The following STRN4 variants were observed in gnomAD, a reference collection of about 807,000 sequenced individuals.
The protein encoded by STRN4 is striatin 4, also known as striatin-4.
Under a neutral mutation model 77.9 loss-of-function variants are expected in STRN4, and 27 were observed. That is an observed-to-expected ratio of 0.35 (90% CI 0.26 to 0.48). STRN4 has a LOEUF of 0.48. STRN4 is among the 20% of genes least tolerant of loss of function. The pLI is 0.99. For missense variants in STRN4, 798 were observed against 1,049.7 expected (o/e 0.76, Z 3.31); for synonymous variants, 466 against 443.1 (o/e 1.05, Z -0.65).
chr19:46,746,425 C>T lies in STRN4; in HGVS notation c.6G>A (p.Met2Ile). The change falls in exon 1 of 18, where the codon ATG becomes ATA. Residue 2 changes from methionine to isoleucine, a missense_variant. Physicochemically the swap from Met to Ile is conservative, Grantham distance 10. This residue lies in a region of STRN4 where 511 missense variants were observed against 575.9 expected (regional missense o/e 0.89). Transcript: ENST00000263280. M[M>I]EERAAAAVAA... Reference sequence around the variant, plus strand: ...CGACCGCGGCGGCCGCTCGCTCCTCCATCATGGAGGCCCCGGGGCCGGCCT... The same window carrying T: ...CGACCGCGGCGGCCGCTCGCTCCTCTATCATGGAGGCCCCGGGGCCGGCCT... The T allele has an allele frequency of 9.7e-7, 1 of 1,028,888 alleles. No individual in the cohort carries two copies. Among genetic ancestry groups the T allele is most frequent in the Non-Finnish European group, 1.2e-6 (1 of 861,004 alleles). 63.7% of individuals were successfully genotyped at this position (1,028,888 alleles called of 1,614,324 possible).
chr19:46,729,374 C>G (rs575321998), intron 6 of STRN4, among the ~76,000 whole-genome samples: 3 of 152,318 alleles, frequency 2.0e-5, no homozygotes, highest in East Asian at 3.9e-4. Flanking sequence ...AGGCCAAGCT[C>G]TGCCCACTGT....
chr19:46,743,591 A>G (rs1599900331), intron 1 of STRN4, among the ~76,000 whole-genome samples: 1 of 152,304 alleles, frequency 6.6e-6, no homozygotes, highest in East Asian at 1.9e-4. Flanking sequence ...AGAGAGGTAC[A>G]GAACATGGGC....
At chr19:46,728,504 C>T in intron 7 of STRN4, 114 bp downstream of exon 7, 1 of 1,371,208 alleles carries the variant, frequency 7.3e-7, no homozygotes, top group Non-Finnish European at 9.7e-7. Context: ...TCTCAGGAAA[C>T]ATATCCGTCC....
At chr19:46,725,202 A>AG in intron 11 of STRN4, 130 bp downstream of exon 11, 8 of 1,305,084 alleles carry the variant, frequency 6.1e-6, no homozygotes, top group Non-Finnish European at 8.6e-6. Context: ...TATATCATGA[A>AG]GGGGGCGGGG....
intron 1 of STRN4, 104 bp downstream of exon 1, chr19:46,746,045 C>G: frequency 4.4e-6 from 5 of 1,132,730 alleles, no homozygotes; most frequent in Non-Finnish European, 5.6e-6. Context: ...CCCCGCCGGC[C>G]GTCCCGGCGG....
intron 1 of STRN4, 55 bp downstream of exon 1, chr19:46,746,094 A>T: frequency 3.2e-6 from 4 of 1,244,356 alleles, no homozygotes; most frequent in Non-Finnish European, 4.1e-6. Flanking sequence ...GCAGCGGGTG[A>T]GGCCGGGCCG....
chr19:46,724,975 C>A (rs750983253), intron 11 of STRN4, 47 bp from the exon 12 acceptor site: 2 of 1,611,594 alleles, frequency 1.2e-6, no homozygotes, highest in South Asian at 1.1e-5. Flanking sequence ...AAGCTCAGGG[C>A]CTCCCCTGGC....
intron 1 of STRN4, chr19:46,739,242 C>G (rs2054430109): frequency 6.4e-6 from 2 of 314,306 alleles, no homozygotes; most frequent in Non-Finnish European, 1.3e-5. Context: ...CCCTGGACTA[C>G]CCCTGACGCC....
chr19:46,745,314 C>T (rs1472480019), intron 1 of STRN4, among the ~76,000 whole-genome samples: 1 of 152,150 alleles, frequency 6.6e-6, no homozygotes, highest in East Asian at 1.9e-4. Context: ...CATCCAGGCT[C>T]CTAGGGTACA....
Position 46,746,440 on chromosome 19 carries a change from G to A in STRN4, c.-10C>T, listed in dbSNP as rs1432892117. The A allele has an allele frequency of 6.9e-6, 7 of 1,009,340 alleles. No individual in the cohort carries two copies. The highest frequency in any genetic ancestry group is 5.3e-5 in the African/African-American group (3 of 56,976). 62.5% of individuals were successfully genotyped at this position (1,009,340 alleles called of 1,614,324 possible). A position where few individuals can be genotyped will look rare whatever the true frequency, so the allele number is the denominator to read the frequency against. On this transcript the variant is annotated 5_prime_UTR_variant, in exon 1 of 18. Transcript: ENST00000263280. The stretch of plus-strand genomic sequence containing the variant: ...CTCGCTCCTCCATCATGGAGGCCCC[G>A]GGGCCGGCCTGCGCGCCCGCTGTGC...
intron 6 of STRN4, among the ~76,000 whole-genome samples, chr19:46,729,631 C>T (rs1039030735): frequency 3.9e-5 from 6 of 152,220 alleles, no homozygotes; most frequent in African/African-American, 1.4e-4. Flanking sequence ...AGGAGAGAAC[C>T]ACCACAGGTG....
chr19:46,720,620 C>T lies in STRN4; in HGVS notation c.2244G>A (p.Leu748=). The T allele has an allele frequency of 6.3e-7, 1 of 1,592,768 alleles. No homozygotes were observed. The highest frequency in any genetic ancestry group is 8.6e-7 in the Non-Finnish European group (1 of 1,167,292). Residue 748 remains leucine (L), a synonymous_variant, in exon 17 of 18, where the codon CTG becomes CTA. Coordinates refer to ENST00000263280, the MANE Select transcript of STRN4 (RefSeq NM_013403.3). The part of the protein sequence containing the change: ...ALIASAGADA[L]AKVFV ...GTGGGCATCATACGAAGACCTTGGC[C>T]AGGGCATCAGCGCCAGCACTGGCAA...
intron 1 of STRN4, chr19:46,745,889 G>A (rs2054582606): frequency 5.5e-6 from 2 of 360,904 alleles, no homozygotes; most frequent in Non-Finnish European, 9.8e-6. Flanking sequence ...CTTTCTCTCG[G>A]CCGGTCCCGG....
rs1355407905 is a variant in STRN4, at chr19:46,722,884, C to A, written c.1832G>T (p.Arg611Leu). 2 of 1,613,842 alleles carry A rather than the reference C, an allele frequency of 1.2e-6. No individual in the cohort carries two copies. Among genetic ancestry groups the A allele is most frequent in the Non-Finnish European group, 1.7e-6 (2 of 1,180,034 alleles). Residue 611 changes from arginine (R) to leucine (L), a missense_variant, in exon 14 of 18, where the codon CGC becomes CTC. This residue lies in a region of STRN4 where 287 missense variants were observed against 473.8 expected (regional missense o/e 0.61). Transcript: ENST00000263280. ...GTCATACAAGACGGTGTCGCCAGAGCGGAAGGAGGCCACGATGTGGGCAGG... is the reference window on the plus strand; with the variant it reads ...GTCATACAAGACGGTGTCGCCAGAGAGGAAGGAGGCCACGATGTGGGCAGG... ...TEPAHIVASF[R>L]SGDTVLYDME... is the part of the protein sequence containing the mutation.
At chr19:46,730,554 C>T (rs1298035294) in intron 6 of STRN4, among the ~76,000 whole-genome samples, 178 bp downstream of exon 6, 2 of 152,226 alleles carry the variant, frequency 1.3e-5, no homozygotes, top group Non-Finnish European at 2.9e-5. Flanking sequence ...CGTCCTTCTG[C>T]ACATGACTAT....
At chr19:46,727,415 C>A in intron 9 of STRN4, 37 bp downstream of exon 9, 1 of 1,576,428 alleles carries the variant, frequency 6.3e-7, no homozygotes, top group Non-Finnish European at 8.7e-7. Flanking sequence ...GGCGCAATGC[C>A]AATGGGGACA....
rs973814286 is a variant in STRN4 at position 46,727,515 on chromosome 19, C to T, written c.1185G>A (p.Gly395=). 1.2e-6 allele frequency: 2 copies of T among 1,614,008 alleles called. No individual in the cohort carries two copies. The highest frequency in any genetic ancestry group is 1.7e-6 in the Non-Finnish European group (2 of 1,179,966). ...CTGCCAAGTCCCCCAGGCTCACCTC[C>T]CCGCCCCCGATAGTGTCCATGATGA... The part of the protein sequence containing the change: ...DVFIMDTIGG[G]EVSLGDLADL... Residue 395 remains glycine, a synonymous_variant, in exon 9 of 18, where the codon GGG becomes GGA. Transcript: ENST00000263280.
chr19:46,725,642 C>A lies in STRN4; in HGVS notation c.1255G>T (p.Asp419Tyr). 2 of 1,613,722 alleles carry A rather than the reference C, an allele frequency of 1.2e-6. No homozygotes were observed. The highest frequency in any genetic ancestry group is 1.1e-5 in the South Asian group (1 of 91,066). Residue 419 changes from aspartate (D) to tyrosine (Y), a missense_variant, in exon 10 of 18, where the codon GAC becomes TAC. By Grantham distance (160) the Asp-to-Tyr change is radical (BLOSUM62 -3). Around this residue, in one of 2 missense-constraint regions of STRN4, gnomAD observed 511 missense variants for 575.9 expected, o/e 0.89. Transcript: ENST00000263280. ...GTCTTCTTAAAAGCATCTTTGCTGT[C>A]AGACAGCTGGGGTTGGGGGGAGCTG... ...NDNDLSCDLS[D>Y]SKDAFKKTWN... is the part of the protein sequence containing the mutation.
At chr19:46,744,394 T>C (rs74478188) in intron 1 of STRN4, among the ~76,000 whole-genome samples, 1 of 151,876 alleles carries the variant, frequency 6.6e-6, no homozygotes, top group African/African-American at 2.4e-5. Context: ...AACAAAATGC[T>C]TTTTTTTGAG....
Sources: gnomAD v4.1 joint callset for allele counts (sites outside exome capture counted in the v4.1 genomes callset) on GRCh38, gnomAD v4.1.1 for gene constraint, gnomAD v4.1.1 regional missense constraint, MANE v1.5 for transcripts, NCBI Gene and HGNC (gene_info 2026-07-23, HGNC 2026-07-21) for gene names.